Variants in HHIPL1 observed in about 807,000 individuals in gnomAD.
HHIPL1 encodes HHIP-like protein 1.
HHIPL1 carries 43 observed loss-of-function variants against 61.8 expected under a neutral mutation model. The ratio of observed to expected loss-of-function variants is 0.70; its 90% CI spans 0.55 to 0.90. HHIPL1 has a LOEUF of 0.90. HHIPL1 is among the 40% of genes least tolerant of loss of function. The probability of loss-of-function intolerance (pLI) is 0.00; values close to 1 mark genes in which losing one functional copy is unlikely to be tolerated. For synonymous variants in HHIPL1, 482 were observed against 515.8 expected (o/e 0.93, Z 0.89); for missense variants, 1,056 against 1,157.7 (o/e 0.91, Z 1.28).
Position 99,659,555 on chromosome 14 carries a change from G to C in HHIPL1, c.1174G>C (p.Gly392Arg). 6.5e-7 allele frequency: 1 copy of C among 1,549,574 alleles called. No homozygotes were observed. The highest frequency in any genetic ancestry group is 1.4e-5 in the African/African-American group (1 of 72,776). ...PAAQPEVYAL[G>R]VRNMWRCSFD... ...GGCGCAGCCCGAGGTCTACGCCCTG[G>C]GCGTGCGCAACATGTGGCGCTGCTC... The change falls in exon 4 of 9, where the codon GGC becomes CGC. Residue 392 changes from glycine (G) to arginine (R), a missense_variant. Gly to Arg is a moderately radical substitution (Grantham distance 125). Coordinates refer to ENST00000330710, the MANE Select transcript of HHIPL1 (RefSeq NM_001127258.3).
At chr14:99,606,336 A>C in the HHIPL1 span, among the ~76,000 whole-genome samples, 2 of 152,010 alleles carry the variant, frequency 1.3e-5, no homozygotes, top group African/African-American at 2.4e-5. Context: ...TGCCTGGGGG[A>C]GCTGCAGGTC....
At chr14:99,636,724 A>G in the HHIPL1 span, among the ~76,000 whole-genome samples, 2 of 152,204 alleles carry the variant, frequency 1.3e-5, no homozygotes, top group East Asian at 1.9e-4. Context: ...GTGGTGGTGC[A>G]TGCATGTAAT....
chr14:99,650,878 A>G (rs2055917883), intron 1 of HHIPL1, among the ~76,000 whole-genome samples: 1 of 152,258 alleles, frequency 6.6e-6, no homozygotes, highest in Admixed American at 6.5e-5. Flanking sequence ...GCATGCCTGC[A>G]AAGGGAACAG....
chr14:99,668,142 G>A lies in HHIPL1; in HGVS notation c.1649-80G>A, dbSNP rs1426833561. On this transcript the variant is annotated intron_variant, in intron 6 of 8. Coordinates refer to ENST00000330710, the MANE Select transcript of HHIPL1 (RefSeq NM_001127258.3). The surrounding 1 kb of genome is among the most constrained non-coding windows in gnomAD (Gnocchi z 4.7). ...GTTGGGGTCTATTTCCAAGCCTGCA[G>A]GGAGCCGGGTGGTGAGGCGGGGCTG... 4.7e-6 allele frequency: 4 copies of A among 854,086 alleles called. No homozygotes were observed. The highest frequency in any genetic ancestry group is 6.1e-6 in the Non-Finnish European group (3 of 488,342). The allele number at this position is 854,086 out of a possible 1,614,324, so 52.9% of individuals were successfully genotyped here. A position where few individuals can be genotyped will look rare whatever the true frequency, so the allele number is the denominator to read the frequency against.
chr14:99,611,044 C>T, the HHIPL1 span, among the ~76,000 whole-genome samples: 3 of 152,172 alleles, frequency 2.0e-5, no homozygotes, highest in African/African-American at 7.2e-5. Context: ...CATACATTGC[C>T]GAATTGCCCT....
At chr14:99,659,327 TG>T (rs1427144483) in intron 3 of HHIPL1, 100 bp from the exon 4 acceptor site, 1 of 935,892 alleles carries the variant, frequency 1.1e-6, no homozygotes, top group Non-Finnish European at 1.5e-6. Flanking sequence ...ACCCTGCACC[TG>T]GCTCAGCGGT....
intron 7 of HHIPL1, among the ~76,000 whole-genome samples, chr14:99,670,134 C>T (rs1255906478): frequency 2.1e-4 from 30 of 145,830 alleles, no homozygotes; most frequent in African/African-American, 7.7e-4. Flanking sequence ...TTTTTTGAGA[C>T]GGAGTCTTGC....
upstream of HHIPL1, among the ~76,000 whole-genome samples, chr14:99,641,740 G>A (rs1311355575): frequency 1.3e-5 from 2 of 151,914 alleles, no homozygotes; most frequent in African/African-American, 2.4e-5. Context: ...AATGTTTGCT[G>A]TAATTTTTCT....
intron 6 of HHIPL1, among the ~76,000 whole-genome samples, chr14:99,664,066 G>A (rs1253116403): frequency 6.6e-6 from 1 of 152,208 alleles, no homozygotes; most frequent in Non-Finnish European, 1.5e-5. Flanking sequence ...GAGTGGGAGG[G>A]GAGAGGAAGA....
rs1335441083 is a variant in HHIPL1 at position 99,676,446 on chromosome 14, A to T, written c.*820A>T. 2 of 152,280 alleles carry T rather than the reference A, an allele frequency of 1.3e-5. No individual in the cohort carries two copies. The highest frequency in any genetic ancestry group is 2.9e-5 in the Non-Finnish European group (2 of 68,148). The allele number at this position is 152,280 out of a possible 1,614,324, so 9.4% of individuals were successfully genotyped here. A position where few individuals can be genotyped will look rare whatever the true frequency, so the allele number is the denominator to read the frequency against. On this transcript the variant is annotated 3_prime_UTR_variant, in exon 9 of 9. Transcript: ENST00000330710. ...GAAGCCACCCACACTAGCTGGGCAG[A>T]GCTTTCACCCTGGCCCTCCAGTGAG... is the stretch of plus-strand genomic sequence containing the variant.
At chr14:99,659,394 C>T (rs11621678) in intron 3 of HHIPL1, 34 bp from the exon 4 acceptor site, 288,972 of 1,392,770 alleles carry the variant, frequency 0.21, 30,905 homozygotes, top group East Asian at 0.29. Flanking sequence ...CTCAGGGCGA[C>T]CCCGAGCCGC....
chr14:99,644,701 C>T (rs1481996185), upstream of HHIPL1, among the ~76,000 whole-genome samples: 3 of 152,186 alleles, frequency 2.0e-5, no homozygotes, highest in Non-Finnish European at 4.4e-5. Flanking sequence ...CTCCCCACCC[C>T]TACGCCAGGT....
the HHIPL1 span, among the ~76,000 whole-genome samples, chr14:99,621,690 C>T: frequency 1.4e-5 from 2 of 146,064 alleles, no homozygotes; most frequent in Non-Finnish European, 3.0e-5. Flanking sequence ...CAGAGGATTC[C>T]CTTTTTTTCT....
chr14:99,638,737 A>G, the HHIPL1 span, among the ~76,000 whole-genome samples: 4 of 152,186 alleles, frequency 2.6e-5, no homozygotes, highest in African/African-American at 9.7e-5. Context: ...TGGGCCCTGA[A>G]TCATTTGCTG....
Position 99,653,779 on chromosome 14 carries a change from C to T in HHIPL1, c.902+909C>T, listed in dbSNP as rs150899508. ...CCAACTGTTTTCAAAATGGGTCTGA[C>T]CTGACCTTGCACGTGGGGCACATGT... On this transcript the variant is annotated intron_variant, in intron 2 of 8. Transcript: ENST00000330710. Among the ~76,000 whole-genome samples the T allele has an allele frequency of 7.9e-5, 12 of 152,328 alleles. No homozygotes were observed. In the East Asian group the frequency reaches 2.3e-3, roughly 29 times the overall value.
chr14:99,653,411 C>T (rs1434681741), intron 2 of HHIPL1, among the ~76,000 whole-genome samples: 2 of 152,232 alleles, frequency 1.3e-5, no homozygotes, highest in Admixed American at 6.5e-5. Context: ...CAGCTCACTG[C>T]AACCTCCGCC....
chr14:99,622,255 C>T, the HHIPL1 span, among the ~76,000 whole-genome samples: 5 of 152,152 alleles, frequency 3.3e-5, no homozygotes, highest in East Asian at 1.9e-4. Flanking sequence ...CATCCAGACT[C>T]GATTGAAACA....
chr14:99,605,625 A>G, the HHIPL1 span, among the ~76,000 whole-genome samples: 2 of 152,232 alleles, frequency 1.3e-5, no homozygotes. Context: ...TGGGAGCAGG[A>G]TGGGGAGAAG....
the HHIPL1 span, among the ~76,000 whole-genome samples, chr14:99,631,116 T>TC: frequency 1.0e-3 from 127 of 125,648 alleles, no homozygotes; most frequent in African/African-American, 3.5e-3. Context: ...TTCTCTCTCT[T>TC]TCTTTCTTTC....
Sources: gnomAD v4.1 joint callset for allele counts (sites outside exome capture counted in the v4.1 genomes callset) on GRCh38, gnomAD v4.1.1 for gene constraint, Gnocchi (gnomAD v3.1) non-coding constraint, MANE v1.5 for transcripts, NCBI Gene and HGNC (gene_info 2026-07-23, HGNC 2026-07-21) for gene names.